SLC35F4: variants seen among roughly 807,000 people sequenced by gnomAD.
SLC35F4 encodes chromosome 14 open reading frame 36.
SLC35F4 carries 24 observed loss-of-function variants against 44.2 expected under a neutral mutation model. That is an observed-to-expected ratio of 0.54 (90% CI 0.39 to 0.76). SLC35F4 has a LOEUF of 0.76. Ranked by LOEUF, SLC35F4 falls within the 30% of genes least tolerant of loss-of-function variation. The pLI is 0.00. For synonymous variants in SLC35F4, 238 were observed against 223.6 expected, an observed-to-expected ratio of 1.06 and a Z score of -0.57; for missense variants, 562 against 586.1, an observed-to-expected ratio of 0.96 and a Z score of 0.42.
At chr14:57,645,395 A>G (rs2073456171) in intron 1 of SLC35F4, among the ~76,000 whole-genome samples, 1 of 152,104 alleles carries the variant, frequency 6.6e-6, no homozygotes, top group African/African-American at 2.4e-5. Flanking sequence ...CGTGAATGGG[A>G]GTTCACTCAT....
At chr14:57,727,978 G>A (rs962202427) in intron 1 of SLC35F4, among the ~76,000 whole-genome samples, 1 of 152,064 alleles carries the variant, frequency 6.6e-6, no homozygotes, top group African/African-American at 2.4e-5. Context: ...CTGAAGGTGA[G>A]GTGTTGAAAT....
intron 1 of SLC35F4, among the ~76,000 whole-genome samples, chr14:57,733,193 T>C (rs1012678350): frequency 2.6e-5 from 4 of 152,100 alleles, no homozygotes; most frequent in Middle Eastern, 3.2e-3. Flanking sequence ...AAACACTAGC[T>C]CTCCGGCCTA....
At chr14:57,749,082 T>C (rs553616474) in intron 1 of SLC35F4, among the ~76,000 whole-genome samples, 4 of 152,262 alleles carry the variant, frequency 2.6e-5, no homozygotes, top group African/African-American at 9.6e-5. Context: ...GGTTCAAATA[T>C]ACTAATAGAT....
At chr14:57,704,564 C>T (rs2075623831) in intron 1 of SLC35F4, among the ~76,000 whole-genome samples, 1 of 152,078 alleles carries the variant, frequency 6.6e-6, no homozygotes, top group Non-Finnish European at 1.5e-5. Context: ...GATACCCACC[C>T]CCTGACAAGA....
At chr14:57,671,073 T>A (rs967470937) in intron 1 of SLC35F4, among the ~76,000 whole-genome samples, 2 of 151,774 alleles carry the variant, frequency 1.3e-5, no homozygotes, top group Non-Finnish European at 2.9e-5. Context: ...CCACCTAATT[T>A]TTGTATTTTT....
intron 4 of SLC35F4, among the ~76,000 whole-genome samples, chr14:57,577,153 CTTAATAT>C (rs2068846470): frequency 2.0e-5 from 3 of 152,148 alleles, no homozygotes; most frequent in Non-Finnish European, 2.9e-5. Flanking sequence ...CATCTTAATT[CTTAATAT>C]TTAATATCAG....
intron 1 of SLC35F4, among the ~76,000 whole-genome samples, chr14:57,735,842 C>T (rs1468922012): frequency 1.3e-5 from 2 of 152,088 alleles, no homozygotes; most frequent in Non-Finnish European, 2.9e-5. Flanking sequence ...CCACCTCGGC[C>T]TCCCAAGTAG....
At chr14:57,681,846 A>C (rs1439994883) in intron 1 of SLC35F4, among the ~76,000 whole-genome samples, 1 of 151,768 alleles carries the variant, frequency 6.6e-6, no homozygotes, top group Non-Finnish European at 1.5e-5. Context: ...ATATGAACAG[A>C]CACTTCTCAA....
intron 1 of SLC35F4, among the ~76,000 whole-genome samples, chr14:57,835,607 T>C (rs1223507108): frequency 1.3e-5 from 2 of 152,222 alleles, no homozygotes; most frequent in East Asian, 1.9e-4. Context: ...ATTTCTGTCA[T>C]GTAATTACTG....
intron 1 of SLC35F4, among the ~76,000 whole-genome samples, chr14:57,656,352 C>T (rs1566732023): frequency 7.7e-6 from 1 of 129,838 alleles, no homozygotes; most frequent in Non-Finnish European, 1.7e-5. Context: ...ACACACATGT[C>T]CTTAGAGTAT....
chr14:57,617,008 G>A (rs540729285), intron 1 of SLC35F4, among the ~76,000 whole-genome samples: 12 of 152,032 alleles, frequency 7.9e-5, no homozygotes, highest in South Asian at 6.2e-4. Context: ...CAAAAACAGC[G>A]TGAATGTTAA....
intron 1 of SLC35F4, among the ~76,000 whole-genome samples, chr14:57,726,606 C>T (rs56943016): frequency 0.4 from 59,977 of 151,746 alleles, 11,841 homozygotes; most frequent in Middle Eastern, 0.42. Flanking sequence ...TTAGTGTGTT[C>T]ATGGTTGTAC....
chr14:57,777,702 C>G (rs2077522532), intron 1 of SLC35F4, among the ~76,000 whole-genome samples: 1 of 151,978 alleles, frequency 6.6e-6, no homozygotes. Flanking sequence ...ATGAGTGCAG[C>G]AAACCAACAT....
chr14:57,823,134 C>T (rs142127814), intron 1 of SLC35F4, among the ~76,000 whole-genome samples: 264 of 152,210 alleles, frequency 1.7e-3, no homozygotes, highest in African/African-American at 6.0e-3. Context: ...CTCCACACTC[C>T]TCACCACAGC....
At chr14:57,865,622 A>C (rs1160950015) in intron 1 of SLC35F4, 101 bp downstream of exon 1, 3 of 909,614 alleles carry the variant, frequency 3.3e-6, no homozygotes, top group Non-Finnish European at 4.7e-6. Flanking sequence ...GCAGGGCTGC[A>C]GGTGTCCGTA....
chr14:57,829,275 T>C (rs527557209), intron 1 of SLC35F4, among the ~76,000 whole-genome samples: 8 of 152,316 alleles, frequency 5.3e-5, no homozygotes, highest in Admixed American at 5.2e-4. Flanking sequence ...GGGATCACTG[T>C]GAGCAGAAGC....
chr14:57,858,670 A>T (rs575194927), intron 1 of SLC35F4, among the ~76,000 whole-genome samples: 15 of 151,728 alleles, frequency 9.9e-5, no homozygotes, highest in African/African-American at 3.7e-4. Flanking sequence ...CCTAGAACTT[A>T]AAGTATAATT....
chr14:57,786,266 CG>C (rs2077755682), intron 1 of SLC35F4, among the ~76,000 whole-genome samples: 1 of 152,116 alleles, frequency 6.6e-6, no homozygotes, highest in Non-Finnish European at 1.5e-5. Context: ...CAGCAAGATC[CG>C]CCCAATGAGT....
chr14:57,978,777 A>C (rs2141099706), intron 1 of SLC35F4, among the ~76,000 whole-genome samples: 1 of 152,350 alleles, frequency 6.6e-6, no homozygotes, highest in East Asian at 1.9e-4. Context: ...CAAAATATAC[A>C]TCCTGATCCA....
Sources: gnomAD v4.1 joint callset for allele counts (sites outside exome capture counted in the v4.1 genomes callset) on GRCh38, gnomAD v4.1.1 for gene constraint, MANE v1.5 for transcripts, NCBI Gene and HGNC (gene_info 2026-07-23, HGNC 2026-07-21) for gene names.